SPECC1: variants seen among roughly 807,000 people sequenced by gnomAD.
SPECC1 encodes cytospin-B.
A neutral mutation model predicts 104.1 loss-of-function variants in SPECC1; 62 were observed. The observed-to-expected ratio is 0.60, with a 90% CI of 0.49 to 0.74. The LOEUF is 0.74. SPECC1 is among the 30% of genes least tolerant of loss of function. The pLI, the probability that SPECC1 is intolerant of heterozygous loss-of-function variation, is 0.00. For synonymous variants in SPECC1, 513 were observed against 501.6 expected (o/e 1.02, Z -0.30); for missense variants, 1,306 against 1,310.5 (o/e 1.00, Z 0.05).
rs969930133 is a variant in SPECC1 at position 20,022,484 on chromosome 17, G to C, written c.-22+13060G>C. ...AGCTTTTTGGTTGGTATCTGTGTTG[G>C]ATAAGAATCCTTAATTCTATAACCT... is the stretch of plus-strand genomic sequence containing the variant. On this transcript the variant is annotated intron_variant, in intron 1 of 14. Transcript: ENST00000395527. 3.3e-5 allele frequency among the ~76,000 whole-genome samples: 5 copies of C among 152,112 alleles called. No individual in the cohort carries two copies. In the South Asian group the frequency reaches 8.3e-4, roughly 25 times the overall value.
chr17:20,189,232 C>T (rs971919461), intron 3 of SPECC1, among the ~76,000 whole-genome samples: 18 of 152,144 alleles, frequency 1.2e-4, no homozygotes, highest in Admixed American at 2.6e-4. Flanking sequence ...AGACTGTGGG[C>T]TTTATTTTCC....
At chr17:20,247,625 T>G (rs2151545857) in intron 9 of SPECC1, among the ~76,000 whole-genome samples, 1 of 152,348 alleles carries the variant, frequency 6.6e-6, no homozygotes, top group African/African-American at 2.4e-5. Context: ...GAATATGTTT[T>G]CAAATTTTAA....
At chr17:20,196,198 C>A (rs914860359) in intron 3 of SPECC1, among the ~76,000 whole-genome samples, 69 of 152,326 alleles carry the variant, frequency 4.5e-4, no homozygotes, top group African/African-American at 1.6e-3. Context: ...AAAATATATT[C>A]TACTTTCCTT....
chr17:20,203,279 TA>T (rs34012069), intron 3 of SPECC1, among the ~76,000 whole-genome samples: 71,441 of 138,378 alleles, frequency 0.52, 18,563 homozygotes, highest in East Asian at 0.97. Flanking sequence ...TTTCAGTTTG[TA>T]AAAAAAAAAA....
At chr17:20,047,968 A>T (rs2045601531) in intron 1 of SPECC1, among the ~76,000 whole-genome samples, 1 of 152,014 alleles carries the variant, frequency 6.6e-6, no homozygotes. Context: ...TTCTTCACGT[A>T]ATGTTCATCA....
At chr17:20,202,387 A>G (rs2036491044) in intron 3 of SPECC1, among the ~76,000 whole-genome samples, 1 of 152,178 alleles carries the variant, frequency 6.6e-6, no homozygotes, top group Non-Finnish European at 1.5e-5. Context: ...AACCTTGAAT[A>G]ACACTATGGG....
At chr17:20,139,466 T>G (rs1294357704) in intron 3 of SPECC1, among the ~76,000 whole-genome samples, 1 of 152,236 alleles carries the variant, frequency 6.6e-6, no homozygotes, top group Non-Finnish European at 1.5e-5. Context: ...CTCATGGATC[T>G]TACATTTCAT....
intron 12 of SPECC1, among the ~76,000 whole-genome samples, chr17:20,292,898 G>A (rs958552262): frequency 2.6e-5 from 4 of 152,202 alleles, no homozygotes; most frequent in South Asian, 2.1e-4. Context: ...TCCTCGCTGG[G>A]GAAATGTAAC....
intron 13 of SPECC1, among the ~76,000 whole-genome samples, chr17:20,304,369 A>C (rs1430557722): frequency 1.3e-5 from 2 of 152,118 alleles, no homozygotes; most frequent in Non-Finnish European, 2.9e-5. Context: ...TTAATATAAC[A>C]ATTTAATTTT....
Position 20,204,697 on chromosome 17 carries a change from A to T in SPECC1, c.648A>T (p.Ser216=), listed in dbSNP as rs565581315. ...DALGPNVDGT[S]VSPGDTEPMI... Reference sequence around the variant, plus strand: ...TGGGCCCAAATGTCGATGGAACATCAGTCTCCCCAGGTGACACGGAACCTA... The same window carrying T: ...TGGGCCCAAATGTCGATGGAACATCTGTCTCCCCAGGTGACACGGAACCTA... Residue 216 remains serine (S), a synonymous_variant, in exon 4 of 15, where the codon TCA becomes TCT. Transcript: ENST00000395527. 6.2e-7 allele frequency: 1 copy of T among 1,613,910 alleles called. No homozygotes were observed. Among genetic ancestry groups the T allele is most frequent in the African/African-American group, 1.3e-5 (1 of 74,976 alleles).
At chr17:20,058,401 AGGAGGATCACTTGAGTCCAGGAGTTTGAG>A (rs1016753840) in intron 1 of SPECC1, among the ~76,000 whole-genome samples, 1 of 152,108 alleles carries the variant, frequency 6.6e-6, no homozygotes, top group African/African-American at 2.4e-5. Flanking sequence ...AGGCCAAGGA[AGGAGGATCACTTGAGTCCAGGAGTTTGAG>A]GGAGGATCAC....
At chr17:20,156,215 C>T (rs910050511) in intron 3 of SPECC1, 5 of 1,421,782 alleles carry the variant, frequency 3.5e-6, no homozygotes, top group Non-Finnish European at 4.6e-6. Context: ...CCACTCAGGA[C>T]GGCCCGAGGA....
At position 20,303,356 on chromosome 17, in the gene SPECC1, A is replaced by G. The variant is rs550971208; in HGVS notation, c.3058-2667A>G. 2.8e-3 allele frequency among the ~76,000 whole-genome samples: 423 copies of G among 152,324 alleles called. 2 individuals are homozygous for G. The highest frequency in any genetic ancestry group is 6.1e-3 in the Admixed American group (93 of 15,306). ...GTAACAAGTGTGCAGTTTCCAGCCCATGCCCGCTCCTTTCCTTTAATTTCA... is the reference window on the plus strand; with the variant it reads ...GTAACAAGTGTGCAGTTTCCAGCCCGTGCCCGCTCCTTTCCTTTAATTTCA... On this transcript the variant is annotated intron_variant, in intron 13 of 14. Coordinates refer to ENST00000395527, the MANE Select transcript of SPECC1 (RefSeq NM_001243439.2).
chr17:20,180,241 A>G (rs886857810), intron 3 of SPECC1, among the ~76,000 whole-genome samples: 1 of 152,234 alleles, frequency 6.6e-6, no homozygotes, highest in Non-Finnish European at 1.5e-5. Flanking sequence ...ATGAGTTAAC[A>G]AATAGTAAAC....
chr17:20,235,132 G>A (rs546367886), intron 7 of SPECC1, among the ~76,000 whole-genome samples: 1 of 152,298 alleles, frequency 6.6e-6, no homozygotes, highest in East Asian at 1.9e-4. Flanking sequence ...CTGTTCTCTG[G>A]ACTGGTTGGT....
rs2048385622 is a variant in SPECC1 at position 20,109,669 on chromosome 17, G to T, written c.148-758G>T. Among the ~76,000 whole-genome samples, 4 of 152,264 alleles carry T rather than the reference G, an allele frequency of 2.6e-5. No individual in the cohort carries two copies. The South Asian group carries it at 8.3e-4, about 32-fold the overall frequency. ...TCAGATCATCTACAGAATGCTTGGT[G>T]GTGAGGCCACAGCAGATACTCAGAT... On this transcript the variant is annotated intron_variant, in intron 2 of 14. Coordinates refer to ENST00000395527, the MANE Select transcript of SPECC1 (RefSeq NM_001243439.2).
intron 13 of SPECC1, among the ~76,000 whole-genome samples, chr17:20,301,402 C>A (rs546577771): frequency 6.7e-6 from 1 of 150,152 alleles, no homozygotes; most frequent in East Asian, 1.9e-4. Flanking sequence ...GTGCTCAGTG[C>A]CAGGGCATTT....
chr17:20,216,128 A>G (rs944366591), intron 4 of SPECC1, among the ~76,000 whole-genome samples: 4 of 152,246 alleles, frequency 2.6e-5, no homozygotes, highest in African/African-American at 7.2e-5. Flanking sequence ...GCATGTATCA[A>G]GTGGCTGAGA....
chr17:20,222,469 T>C (rs1245595332), intron 4 of SPECC1, among the ~76,000 whole-genome samples: 2 of 152,234 alleles, frequency 1.3e-5, no homozygotes, highest in African/African-American at 4.8e-5. Context: ...TTAGTTCCAT[T>C]TGTTTTGTTT....
Sources: allele counts gnomAD v4.1 joint callset (sites outside exome capture counted in the v4.1 genomes callset), GRCh38; gene constraint gnomAD v4.1.1; transcripts MANE v1.5; gene names NCBI Gene and HGNC (gene_info 2026-07-23, HGNC 2026-07-21).